Variants in KCTD3 observed in about 807,000 individuals in gnomAD.
The protein encoded by KCTD3 is BTB/POZ domain-containing protein KCTD3.
In KCTD3, 41 loss-of-function variants were observed where a neutral mutation model predicts 85.8. The observed-to-expected ratio is 0.48, with a 90% confidence interval of 0.37 to 0.62. KCTD3 has a LOEUF of 0.62. Ranked by LOEUF, KCTD3 falls within the 20% of genes least tolerant of loss-of-function variation. KCTD3 has a pLI of 0.00. For synonymous variants in KCTD3, 338 were observed against 345.4 expected (o/e 0.98, Z 0.24); for missense variants, 724 against 989.9 (o/e 0.73, Z 3.60).
At chr1:215,608,288 T>C (rs2102597712) in intron 14 of KCTD3, 116 bp downstream of exon 14, 2 of 646,620 alleles carry the variant, frequency 3.1e-6, no homozygotes, top group Non-Finnish European at 2.4e-6. Context: ...ATTTTAATTT[T>C]GAAATTCTAA....
At chr1:215,591,896 G>A (rs1558235881) in intron 9 of KCTD3, among the ~76,000 whole-genome samples, 1 of 152,150 alleles carries the variant, frequency 6.6e-6, no homozygotes, top group South Asian at 2.1e-4. Flanking sequence ...ACTCAAAACT[G>A]GGAAATTCAC....
At chr1:215,613,195 A>G (rs114722539) in intron 15 of KCTD3, among the ~76,000 whole-genome samples, 4 of 152,346 alleles carry the variant, frequency 2.6e-5, no homozygotes, top group Non-Finnish European at 5.9e-5. Context: ...TTTCCTGTTA[A>G]TAGTCCATTA....
At chr1:215,580,914 A>T (rs1394036279) in intron 8 of KCTD3, 3 of 459,606 alleles carry the variant, frequency 6.5e-6, no homozygotes, top group African/African-American at 6.1e-5. Context: ...TATATCAGTA[A>T]TCTCAGGTTT....
At chr1:215,608,398 TATTA>T (rs1655112662) in intron 14 of KCTD3, among the ~76,000 whole-genome samples, 2 of 151,998 alleles carry the variant, frequency 1.3e-5, no homozygotes, top group African/African-American at 4.8e-5. Context: ...TTTTTCCTCT[TATTA>T]ATGTTTCATC....
chr1:215,596,975 G>T (rs1379481026), intron 10 of KCTD3, among the ~76,000 whole-genome samples: 1 of 152,130 alleles, frequency 6.6e-6, no homozygotes, highest in Non-Finnish European at 1.5e-5. Flanking sequence ...TGACAGAAGG[G>T]TAAGGAAGGA....
At chr1:215,587,826 C>T (rs1571881338) in intron 9 of KCTD3, among the ~76,000 whole-genome samples, 1 of 152,140 alleles carries the variant, frequency 6.6e-6, no homozygotes, top group African/African-American at 2.4e-5. Context: ...ATCCATCAGA[C>T]TATTTTGTAC....
rs1164811507 is a variant in KCTD3 at position 215,621,447 on chromosome 1, T to C, written c.*829T>C. 1.3e-5 allele frequency: 2 copies of C among 152,112 alleles called. No individual in the cohort carries two copies. The highest frequency in any genetic ancestry group is 3.9e-4 in the East Asian group (2 of 5,190). 9.4% of individuals were successfully genotyped at this position (152,112 alleles called of 1,614,324 possible). ...TTTTCAGTGTTAACAACAATCATGA[T>C]AATTAAATTAAAACACTAGTTTGTT... On this transcript the variant is annotated 3_prime_UTR_variant, in exon 18 of 18. Coordinates refer to ENST00000259154, the MANE Select transcript of KCTD3 (RefSeq NM_016121.5).
In KCTD3 at chr1:215,620,506, C is replaced by G. The variant is rs755322754; in HGVS notation, c.2336C>G (p.Thr779Ser). 1.2e-6 allele frequency: 2 copies of G among 1,613,568 alleles called. No homozygotes were observed. Among genetic ancestry groups the G allele is most frequent in the Non-Finnish European group, 8.5e-7 (1 of 1,179,506 alleles). Residue 779 changes from threonine (T) to serine (S), a missense_variant, in exon 18 of 18, where the codon ACT (threonine) becomes AGT (serine). Thr to Ser is a moderately conservative substitution (Grantham distance 58). Coordinates refer to ENST00000259154, the MANE Select transcript of KCTD3 (RefSeq NM_016121.5). ...CCCTATCTGGCGTCATCACCAAGTA[C>G]TTCCGATGGAGGAACTGACTCACCT... ...KVPYLASSPS[T>S]SDGGTDSPGT...
intron 7 of KCTD3, 105 bp from the exon 8 acceptor site, chr1:215,579,804 A>G: frequency 1.3e-6 from 1 of 768,804 alleles, no homozygotes; most frequent in Non-Finnish European, 2.2e-6. Context: ...GGCTCTTAAC[A>G]AAACTATTAA....
At chr1:215,615,345 G>A (rs977403288) in intron 15 of KCTD3, among the ~76,000 whole-genome samples, 4 of 152,086 alleles carry the variant, frequency 2.6e-5, no homozygotes, top group Non-Finnish European at 5.9e-5. Flanking sequence ...TCCCGGCCGG[G>A]CGTGGTGGCT....
At position 215,578,590 on chromosome 1, in the gene KCTD3, A is replaced by G. The variant is rs4655409; in HGVS notation, c.398-410A>G. ...GGACTTCTGAGCAAGATTTCATTTT[A>G]AAAAATGTTCCCCTGTCAAATAAAA... On this transcript the variant is annotated intron_variant, in intron 6 of 17. Transcript: ENST00000259154. Among the ~76,000 whole-genome samples, 357 of 152,302 alleles carry G rather than the reference A, an allele frequency of 2.3e-3. 7 individuals are homozygous for G. Among genetic ancestry groups the G allele is most frequent in the Admixed American group, 0.016 (238 of 15,292 alleles).
intron 15 of KCTD3, among the ~76,000 whole-genome samples, chr1:215,614,038 T>TTG (rs1558245518): frequency 1.8e-4 from 25 of 139,604 alleles, no homozygotes; most frequent in African/African-American, 6.2e-4. Context: ...TTTTTTTTTT[T>TTG]TTTTTTTTTT....
At chr1:215,575,621 T>C (rs1394684687) in intron 3 of KCTD3, among the ~76,000 whole-genome samples, 2 of 152,212 alleles carry the variant, frequency 1.3e-5, no homozygotes, top group East Asian at 3.8e-4. Context: ...AAGGTATCAA[T>C]ACAAGTGATT....
At chr1:215,569,720 C>T (rs778081696) in intron 1 of KCTD3, among the ~76,000 whole-genome samples, 3 of 151,732 alleles carry the variant, frequency 2.0e-5, no homozygotes, top group African/African-American at 4.8e-5. Context: ...CTCAGCCTGG[C>T]ACTGTGACAT....
chr1:215,610,891 G>C (rs1655206376), intron 14 of KCTD3, among the ~76,000 whole-genome samples: 1 of 151,890 alleles, frequency 6.6e-6, no homozygotes, highest in African/African-American at 2.4e-5. Context: ...TACAGTGTAA[G>C]TATTAGCTAA....
intron 15 of KCTD3, among the ~76,000 whole-genome samples, chr1:215,614,048 T>A (rs1349468699): frequency 1.4e-5 from 2 of 142,980 alleles, no homozygotes; most frequent in Non-Finnish European, 3.0e-5. Flanking sequence ...TTTTTTTTTT[T>A]AAGAGACAGA....
intron 3 of KCTD3, among the ~76,000 whole-genome samples, chr1:215,575,469 C>T (rs984707804): frequency 6.6e-6 from 1 of 152,078 alleles, no homozygotes; most frequent in Non-Finnish European, 1.5e-5. Context: ...TTCTCAAGTA[C>T]CCCTGTGTGC....
At chr1:215,594,165 T>C (rs904771493) in intron 9 of KCTD3, among the ~76,000 whole-genome samples, 15 of 152,160 alleles carry the variant, frequency 9.9e-5, no homozygotes, top group African/African-American at 3.6e-4. Context: ...CGGCCGATTA[T>C]AACATTTTTA....
chr1:215,618,503 A>G, intron 15 of KCTD3: 1 of 173,170 alleles, frequency 5.8e-6, no homozygotes, highest in Non-Finnish European at 1.2e-5. Context: ...TCAGTCAAGT[A>G]CAATTCAGTT....
Sources: allele counts gnomAD v4.1 joint callset (sites outside exome capture counted in the v4.1 genomes callset), GRCh38; gene constraint gnomAD v4.1.1; transcripts MANE v1.5; gene names NCBI Gene and HGNC (gene_info 2026-07-23, HGNC 2026-07-21).